ATG16L1: variants seen among roughly 807,000 people sequenced by gnomAD.
The protein encoded by ATG16L1 is autophagy related 16 like 1.
A neutral mutation model predicts 88.5 loss-of-function variants in ATG16L1; 37 were observed. That is an observed-to-expected ratio of 0.42 (90% CI 0.32 to 0.55). ATG16L1 has a LOEUF of 0.55. Among genes scored for constraint, ATG16L1 ranks in the 20% least tolerant of loss-of-function variants. ATG16L1 has a pLI of 0.13. For synonymous variants in ATG16L1, 301 were observed against 281.0 expected, an observed-to-expected ratio of 1.07 and a Z score of -0.71; for missense variants, 554 against 752.8, an observed-to-expected ratio of 0.74 and a Z score of 3.09.
intron 2 of ATG16L1, among the ~76,000 whole-genome samples, chr2:233,260,146 A>G (rs1697107355): frequency 6.6e-6 from 1 of 152,218 alleles, no homozygotes; most frequent in African/African-American, 2.4e-5. Flanking sequence ...AATTAACCGT[A>G]AAACACTGCA....
intron 6 of ATG16L1, among the ~76,000 whole-genome samples, chr2:233,270,648 T>A (rs897107295): frequency 2.0e-5 from 3 of 152,170 alleles, no homozygotes; most frequent in African/African-American, 7.2e-5. Flanking sequence ...TTTGTTTGTT[T>A]TTTCCCTCCT....
chr2:233,280,843 A>C (rs560583821), intron 10 of ATG16L1, among the ~76,000 whole-genome samples: 6 of 152,354 alleles, frequency 3.9e-5, no homozygotes, highest in African/African-American at 1.4e-4. Flanking sequence ...AGAATGAATA[A>C]CTACATTTCT....
chr2:233,287,040 G>A (rs1443719697), intron 12 of ATG16L1, among the ~76,000 whole-genome samples: 1 of 152,124 alleles, frequency 6.6e-6, no homozygotes, highest in Non-Finnish European at 1.5e-5. Context: ...TAAGTCAAGA[G>A]AAGAAAGCTG....
chr2:233,269,896 C>A, intron 5 of ATG16L1, 106 bp from the exon 6 acceptor site: 1 of 1,091,226 alleles, frequency 9.2e-7, no homozygotes. Context: ...TGTTATTTTA[C>A]ATGCACTGAA....
In ATG16L1 at chr2:233,263,973, A is replaced by G; in HGVS notation, c.316-19A>G. ...TCCTAAAATTTTTATTTATGAAAGT[A>G]TTCTTCTTTATCTCCCAGTTAGCTC... On this transcript the variant is annotated intron_variant, in intron 3 of 17. Coordinates refer to ENST00000392017, the MANE Select transcript of ATG16L1 (RefSeq NM_030803.7). 6.2e-7 allele frequency: 1 copy of G among 1,612,848 alleles called. No individual in the cohort carries two copies. The highest frequency in any genetic ancestry group is 8.5e-7 in the Non-Finnish European group (1 of 1,179,160).
At chr2:233,271,406 G>A (rs529454401) in intron 6 of ATG16L1, among the ~76,000 whole-genome samples, 1 of 152,364 alleles carries the variant, frequency 6.6e-6, no homozygotes, top group African/African-American at 2.4e-5. Flanking sequence ...AGCCTCCCAA[G>A]TAGCTGGGAT....
chr2:233,289,408 T>TGTGTGAGAGA (rs144316394), intron 12 of ATG16L1, among the ~76,000 whole-genome samples: 90 of 149,648 alleles, frequency 6.0e-4, no homozygotes, highest in African/African-American at 2.1e-3. Flanking sequence ...TGTGTGTGTG[T>TGTGTGAGAGA]GACAGGATCT....
At chr2:233,253,332 G>GTTTTTTTTTTTTTTTTTTTTTTTTTTTTT (rs570754671) in intron 1 of ATG16L1, among the ~76,000 whole-genome samples, 2 of 112,890 alleles carry the variant, frequency 1.8e-5, no homozygotes, top group African/African-American at 6.6e-5. Context: ...GTGAGACTGG[G>GTTTTTTTTTTTTTTTTTTTTTTTTTTTTT]TTTTTTTGTT....
Position 233,294,299 on chromosome 2 carries a change from C to T in ATG16L1, c.1773C>T (p.His591=), listed in dbSNP as rs1266219562. ...TGGCGTGGTCGCCCTCTGGCTCGCA[C>T]GTTGTCAGTGTGGACAAAGGATGCA... ...NAVAWSPSGS[H]VVSVDKGCKA... is the part of the protein sequence containing the mutation. Residue 591 remains histidine (H), a synonymous_variant, in exon 18 of 18, where the codon CAC becomes CAT. Transcript: ENST00000392017. The T allele has an allele frequency of 5.6e-6, 9 of 1,613,024 alleles. No individual in the cohort carries two copies. Among genetic ancestry groups the T allele is most frequent in the Middle Eastern group, 1.6e-4 (1 of 6,084 alleles).
rs769984085 is a variant in ATG16L1 at position 233,294,418 on chromosome 2, T to G, written c.*68T>G. The G allele has an allele frequency of 2.3e-6, 3 of 1,308,036 alleles. No individual in the cohort carries two copies. Among genetic ancestry groups the G allele is most frequent in the Non-Finnish European group, 3.3e-6 (3 of 920,030 alleles). The allele number at this position is 1,308,036 out of a possible 1,614,324, so 81.0% of individuals were successfully genotyped here. ...AGAAGCACATGGGCTCCTGCAGCCC[T>G]GTCCTGGCAGGTGATGTGCTGGGTA... On this transcript the variant is annotated 3_prime_UTR_variant, in exon 18 of 18. Coordinates refer to ENST00000392017, the MANE Select transcript of ATG16L1 (RefSeq NM_030803.7).
chr2:233,273,934 C>T, intron 8 of ATG16L1, 157 bp downstream of exon 8: 1 of 1,535,170 alleles, frequency 6.5e-7, no homozygotes. Flanking sequence ...TCCTTTTTTC[C>T]TCAACTTCCT....
chr2:233,272,671 A>G (rs898710228), intron 6 of ATG16L1, among the ~76,000 whole-genome samples: 1 of 152,250 alleles, frequency 6.6e-6, no homozygotes, highest in Non-Finnish European at 1.5e-5. Context: ...TAGACTCAAC[A>G]GATCATATTT....
intron 6 of ATG16L1, among the ~76,000 whole-genome samples, chr2:233,271,349 G>A (rs1697973083): frequency 6.6e-6 from 1 of 152,250 alleles, no homozygotes; most frequent in Non-Finnish European, 1.5e-5. Flanking sequence ...TGCAATCTCA[G>A]CTCACTGCAA....
At chr2:233,261,040 C>G (rs1053860575) in intron 2 of ATG16L1, among the ~76,000 whole-genome samples, 2 of 152,200 alleles carry the variant, frequency 1.3e-5, no homozygotes, top group African/African-American at 4.8e-5. Context: ...ACTGCAACCT[C>G]CGCCTTCCGG....
At chr2:233,274,874 A>G in intron 9 of ATG16L1, 96 bp downstream of exon 9, 1 of 825,110 alleles carries the variant, frequency 1.2e-6, no homozygotes, top group Non-Finnish European at 1.9e-6. Flanking sequence ...TAAGCATTCC[A>G]TTGTTTTACT....
At chr2:233,262,125 A>G (rs1697255942) in intron 2 of ATG16L1, among the ~76,000 whole-genome samples, 1 of 152,194 alleles carries the variant, frequency 6.6e-6, no homozygotes, top group Non-Finnish European at 1.5e-5. Context: ...TGCTCAGGCC[A>G]AAAGCCTTGA....
chr2:233,282,018 C>G (rs968164502), intron 11 of ATG16L1, among the ~76,000 whole-genome samples: 1 of 152,102 alleles, frequency 6.6e-6, no homozygotes, highest in African/African-American at 2.4e-5. Context: ...AATAACCACT[C>G]CTTGAATTTA....
intron 12 of ATG16L1, among the ~76,000 whole-genome samples, chr2:233,286,621 C>CATTTTTTTTTTTTTTTT (rs34087184): frequency 6.4e-5 from 6 of 93,296 alleles, no homozygotes; most frequent in African/African-American, 2.3e-4. Flanking sequence ...GAAGCCCAAA[C>CATTTTTTTTTTTTTTTT]TTTTTTTTTT....
At chr2:233,257,957 A>G (rs2125204646) in intron 2 of ATG16L1, among the ~76,000 whole-genome samples, 1 of 151,436 alleles carries the variant, frequency 6.6e-6, no homozygotes, top group African/African-American at 2.4e-5. Context: ...AGCCAAGATT[A>G]CACCACTGCA....
Sources: gnomAD v4.1 joint callset for allele counts (sites outside exome capture counted in the v4.1 genomes callset) on GRCh38, gnomAD v4.1.1 for gene constraint, MANE v1.5 for transcripts, NCBI Gene and HGNC (gene_info 2026-07-23, HGNC 2026-07-21) for gene names.